Variants in ADGRE5 observed in about 807,000 individuals in gnomAD.
ADGRE5 encodes the protein adhesion G protein-coupled receptor E5.
ADGRE5 carries 72 observed loss-of-function variants against 100.3 expected under a neutral mutation model. That is an observed-to-expected ratio of 0.72 (90% CI 0.59 to 0.87). ADGRE5 has a LOEUF of 0.87. Ranked by LOEUF, ADGRE5 falls within the 40% of genes least tolerant of loss-of-function variation. ADGRE5 has a pLI of 0.00. For missense variants in ADGRE5, 959 were observed against 1,094.7 expected (o/e 0.88, Z 1.75); for synonymous variants, 439 against 447.8 (o/e 0.98, Z 0.25).
chr19:14,404,324 C>A, intron 12 of ADGRE5, 59 bp from the exon 13 acceptor site: 1 of 1,511,662 alleles, frequency 6.6e-7, no homozygotes, highest in Non-Finnish European at 8.9e-7. Context: ...TCAGCCCAAG[C>A]CCAGGACCTA....
chr19:14,405,896 G>GCTC lies in ADGRE5; in HGVS notation c.1780_1782dup (p.Ser594dup). The GCTC allele has an allele frequency of 6.2e-7, 1 of 1,611,460 alleles. No individual in the cohort carries two copies. The highest frequency in any genetic ancestry group is 8.5e-7 in the Non-Finnish European group (1 of 1,179,982). On this transcript the variant is annotated inframe_insertion, in exon 14 of 20. Coordinates refer to ENST00000242786, the MANE Select transcript of ADGRE5 (RefSeq NM_078481.4). The stretch of plus-strand genomic sequence containing the variant: ...CACCTCTGCATCTGCCTCTTCGTGG[G>GCTC]CTCCACCATCTTCCTGGCCGGCATC...
At chr19:14,381,972 C>A (rs1053591192) in intron 1 of ADGRE5, among the ~76,000 whole-genome samples, 1 of 152,170 alleles carries the variant, frequency 6.6e-6, no homozygotes, top group Non-Finnish European at 1.5e-5. Flanking sequence ...AAGGTACCCC[C>A]AATTTGTCCC....
At position 14,397,738 on chromosome 19, in the gene ADGRE5, C is replaced by T. The variant is rs753105785; in HGVS notation, c.706C>T (p.Arg236Cys). 4.6e-5 allele frequency: 65 copies of T among 1,419,528 alleles called. No individual in the cohort carries two copies. Among genetic ancestry groups the T allele is most frequent in the Admixed American group, 1.3e-4 (7 of 54,666 alleles). 87.9% of individuals were successfully genotyped at this position (1,419,528 alleles called of 1,614,324 possible). The change falls in exon 7 of 20, where the codon CGC becomes TGC. Residue 236 changes from arginine (R) to cysteine (C), a missense_variant. Physicochemically the swap from Arg to Cys is radical, Grantham distance 180. This residue lies in a region of ADGRE5 where 69 missense variants were observed against 135.0 expected (regional missense o/e 0.51). Coordinates refer to ENST00000242786, the MANE Select transcript of ADGRE5 (RefSeq NM_078481.4). ...CAACACCGTGGGTTCATACAGCTGCCGCTGCCGCCCAGGCTGGAAGCCCAG... is the reference window on the plus strand; with the variant it reads ...CAACACCGTGGGTTCATACAGCTGCTGCTGCCGCCCAGGCTGGAAGCCCAG... ...CFNTVGSYSC[R>C]CRPGWKPRHG...
Position 14,405,864 on chromosome 19 carries a change from A to G in ADGRE5, c.1746A>G (p.Ile582Met), listed in dbSNP as rs757594719. Residue 582 changes from isoleucine to methionine, a missense_variant, in exon 14 of 20, where the codon ATA becomes ATG. This residue lies in a region of ADGRE5 where 428 missense variants were observed against 386.2 expected (regional missense o/e 1.11). Transcript: ENST00000242786. Reference protein sequence around the residue: ...VRPIQGSRTTIHLHLCICLFV... With the variant: ...VRPIQGSRTTMHLHLCICLFV... ...CCATCCAGGGCTCGCGCACCACCATACACCTGCACCTCTGCATCTGCCTCT... is the reference window on the plus strand; with the variant it reads ...CCATCCAGGGCTCGCGCACCACCATGCACCTGCACCTCTGCATCTGCCTCT... 2.2e-5 allele frequency: 36 copies of G among 1,612,874 alleles called. No homozygotes were observed. Among genetic ancestry groups the G allele is most frequent in the Non-Finnish European group, 3.1e-5 (36 of 1,179,940 alleles).
In ADGRE5 at chr19:14,398,002, G is replaced by C. The variant is rs1975849153; in HGVS notation, c.820-60G>C. On this transcript the variant is annotated intron_variant, in intron 8 of 19. Transcript: ENST00000242786. ...CACACAGCACTGCATCCGTCTCCTT[G>C]TTCTAAACTTCCCACCCGCCGTCCA... is the stretch of plus-strand genomic sequence containing the variant. The C allele has an allele frequency of 2.6e-6, 4 of 1,559,158 alleles. No individual in the cohort carries two copies. In the Admixed American group the frequency reaches 5.1e-5, roughly 20 times the overall value.
Position 14,390,004 on chromosome 19 carries a change from A to G in ADGRE5, c.191-920A>G, listed in dbSNP as rs558285087. Among the ~76,000 whole-genome samples the G allele has an allele frequency of 1.8e-3, 280 of 151,660 alleles. 1 individual carries two copies. The highest frequency in any genetic ancestry group is 6.5e-3 in the African/African-American group (270 of 41,358). ...GGCAGGAGAATCGCTTGAACCCGGG[A>G]GGCGGAAGTTGCAGTGAGCCAAGAC... On this transcript the variant is annotated intron_variant, in intron 3 of 19. Transcript: ENST00000242786.
chr19:14,404,880 T>C (rs1350402713), intron 13 of ADGRE5: 3 of 326,136 alleles, frequency 9.2e-6, no homozygotes, highest in Non-Finnish European at 1.1e-5. Context: ...TTTTTTTTTT[T>C]TGAGACGGAG....
chr19:14,401,587 C>T lies in ADGRE5; in HGVS notation c.1075+24C>T, dbSNP rs1243871339. ...AGGTGAGGCCTTGGCCTGGCCTGCCCTGCCCCAACCCTGGGCCCCACCTGG... is the reference window on the plus strand; with the variant it reads ...AGGTGAGGCCTTGGCCTGGCCTGCCTTGCCCCAACCCTGGGCCCCACCTGG... On this transcript the variant is annotated intron_variant, in intron 10 of 19. Transcript: ENST00000242786. The surrounding 1 kb of genome is among the most constrained non-coding windows in gnomAD (Gnocchi z 4.1). The T allele has an allele frequency of 6.2e-7, 1 of 1,611,466 alleles. No homozygotes were observed. Among genetic ancestry groups the T allele is most frequent in the East Asian group, 2.2e-5 (1 of 44,876 alleles).
chr19:14,399,757 C>A (rs1447128082), intron 9 of ADGRE5, among the ~76,000 whole-genome samples: 2 of 147,840 alleles, frequency 1.4e-5, no homozygotes, highest in Non-Finnish European at 3.0e-5. Context: ...AAAAAAAAAA[C>A]AGTTTTCCCA....
At chr19:14,397,308 G>C (rs1333474257) in intron 6 of ADGRE5, 85 bp downstream of exon 6, 11 of 1,590,660 alleles carry the variant, frequency 6.9e-6, no homozygotes, top group Non-Finnish European at 9.5e-6. Context: ...CAAGCAGAAT[G>C]AGCGCTGGAG....
chr19:14,399,753 AAAAC>A (rs1416132248), intron 9 of ADGRE5, among the ~76,000 whole-genome samples: 2 of 151,980 alleles, frequency 1.3e-5, no homozygotes, highest in Non-Finnish European at 2.9e-5. Flanking sequence ...AAAAAAAAAA[AAAAC>A]AGTTTTCCCA....
chr19:14,390,813 T>A, intron 3 of ADGRE5, 111 bp from the exon 4 acceptor site: 1 of 1,366,808 alleles, frequency 7.3e-7, no homozygotes, highest in East Asian at 2.5e-5. Context: ...TTAAGATTTT[T>A]TCCAAAAGAT....
At chr19:14,394,878 A>T (rs1975718904) in intron 4 of ADGRE5, among the ~76,000 whole-genome samples, 1 of 152,136 alleles carries the variant, frequency 6.6e-6, no homozygotes. Context: ...TTTAGCCCTC[A>T]TCCATTTCCC....
chr19:14,404,671 C>A, intron 13 of ADGRE5, 109 bp downstream of exon 13: 1 of 1,056,292 alleles, frequency 9.5e-7, no homozygotes, highest in Non-Finnish European at 1.4e-6. Context: ...GATATATCTG[C>A]ATGGTTGCAC....
intron 1 of ADGRE5, among the ~76,000 whole-genome samples, chr19:14,382,826 C>T (rs1288276964): frequency 6.6e-6 from 1 of 151,870 alleles, no homozygotes; most frequent in African/African-American, 2.4e-5. Context: ...TCTCCTGCCT[C>T]GCCCCCATCC....
Position 14,404,539 on chromosome 19 carries a change from C to G in ADGRE5, c.1606C>G (p.Leu536Val). ...CAGCCACCTGAGCAGCTTTGCGATC[C>G]TTATGGCTCATTATGACGTGGAGGT... is the stretch of plus-strand genomic sequence containing the variant. ...QCSHLSSFAI[L>V]MAHYDVEDWK... The change falls in exon 13 of 20, where the codon CTT (leucine) becomes GTT (valine). Residue 536 changes from leucine to valine, a missense_variant. This residue lies in a region of ADGRE5 where 428 missense variants were observed against 386.2 expected (regional missense o/e 1.11). Transcript: ENST00000242786. The G allele has an allele frequency of 6.2e-7, 1 of 1,613,136 alleles. No homozygotes were observed. Among genetic ancestry groups the G allele is most frequent in the East Asian group, 2.2e-5 (1 of 44,776 alleles).
chr19:14,388,153 A>C (rs1220035886), intron 1 of ADGRE5, among the ~76,000 whole-genome samples: 1 of 151,832 alleles, frequency 6.6e-6, no homozygotes, highest in East Asian at 1.9e-4. Context: ...TCTTGAGCCT[A>C]GGAATTGGAG....
chr19:14,396,458 C>A lies in ADGRE5; in HGVS notation c.463C>A (p.Pro155Thr). The part of the protein sequence containing the change: ...LPGFKFIPED[P>T]KVCTDVNECT... ...TGGCTTCAAGTTCATACCTGAGGAT[C>A]CGAAGGTCTGCACAGGTAGAGGCCC... The change falls in exon 5 of 20, where the codon CCG (proline) becomes ACG (threonine). Residue 155 changes from proline (P) to threonine (T), a missense_variant. This residue lies in a region of ADGRE5 where 83 missense variants were observed against 88.8 expected (regional missense o/e 0.93). Coordinates refer to ENST00000242786, the MANE Select transcript of ADGRE5 (RefSeq NM_078481.4). 2 of 1,614,288 alleles carry A rather than the reference C, an allele frequency of 1.2e-6. No individual in the cohort carries two copies. Among genetic ancestry groups the A allele is most frequent in the African/African-American group, 1.3e-5 (1 of 75,088 alleles).
intron 12 of ADGRE5, 72 bp downstream of exon 12, chr19:14,402,934 A>T (rs905645570): frequency 6.7e-7 from 1 of 1,499,006 alleles, no homozygotes; most frequent in African/African-American, 1.4e-5. Flanking sequence ...TCTCTCTGGG[A>T]TGCTCTTTCC....
Sources: gnomAD v4.1 joint callset for allele counts (sites outside exome capture counted in the v4.1 genomes callset) on GRCh38, gnomAD v4.1.1 for gene constraint, gnomAD v4.1.1 regional missense constraint, Gnocchi (gnomAD v3.1) non-coding constraint, MANE v1.5 for transcripts, NCBI Gene and HGNC (gene_info 2026-07-23, HGNC 2026-07-21) for gene names.